The following FKBP5 variants were observed in gnomAD, a reference collection of about 807,000 sequenced individuals.
The protein encoded by FKBP5 is peptidyl-prolyl cis-trans isomerase FKBP5.
Under a neutral mutation model 50.5 loss-of-function variants are expected in FKBP5, and 23 were observed. The ratio of observed to expected loss-of-function variants is 0.46; its 90% CI spans 0.33 to 0.65. FKBP5 has a LOEUF of 0.65. Among genes scored for constraint, FKBP5 ranks in the 30% least tolerant of loss-of-function variants. The pLI, the probability that FKBP5 is intolerant of heterozygous loss-of-function variation, is 0.02. For synonymous variants in FKBP5, 176 were observed against 190.6 expected (o/e 0.92, Z 0.63); for missense variants, 411 against 553.1 (o/e 0.74, Z 2.58).
intron 8 of FKBP5, chr6:35,581,725 G>C (rs1762438780): frequency 5.1e-6 from 5 of 985,456 alleles, no homozygotes; most frequent in Non-Finnish European, 6.0e-6. Flanking sequence ...TACAAGTGGG[G>C]ATTCTCCTTT....
intron 1 of FKBP5, chr6:35,651,954 A>G: frequency 1.3e-6 from 1 of 765,822 alleles, no homozygotes; most frequent in Non-Finnish European, 1.7e-6. Flanking sequence ...GCAGGAAGTC[A>G]GGGACCCCAA....
intron 2 of FKBP5, among the ~76,000 whole-genome samples, chr6:35,718,255 A>G (rs1321285881): frequency 6.6e-6 from 1 of 152,238 alleles, no homozygotes; most frequent in Non-Finnish European, 1.5e-5. Flanking sequence ...GGGAAAATGC[A>G]GGGTGTGCTC....
chr6:35,627,134 A>C (rs774722853), intron 3 of FKBP5, among the ~76,000 whole-genome samples: 4 of 152,144 alleles, frequency 2.6e-5, no homozygotes, highest in Non-Finnish European at 5.9e-5. Flanking sequence ...CATCCTCATC[A>C]ACACTTGTTG....
chr6:35,645,456 AAGAG>A (rs1227488957), intron 1 of FKBP5, among the ~76,000 whole-genome samples: 1 of 152,108 alleles, frequency 6.6e-6, no homozygotes, highest in Non-Finnish European at 1.5e-5. Context: ...AAGAGAGAGA[AAGAG>A]AGAGAGGGAG....
chr6:35,691,673 C>G (rs749761343), upstream of FKBP5, among the ~76,000 whole-genome samples: 1 of 152,190 alleles, frequency 6.6e-6, no homozygotes, highest in African/African-American at 2.4e-5. Flanking sequence ...GAAAACCACT[C>G]TGATCACTGC....
At chr6:35,703,405 T>A (rs962085240) in intron 2 of FKBP5, among the ~76,000 whole-genome samples, 2 of 151,860 alleles carry the variant, frequency 1.3e-5, no homozygotes, top group African/African-American at 4.8e-5. Context: ...CATGACTCCA[T>A]CTCAAAAAAA....
chr6:35,654,479 T>C (rs2150996180), intron 1 of FKBP5, among the ~76,000 whole-genome samples: 1 of 152,332 alleles, frequency 6.6e-6, no homozygotes, highest in Non-Finnish European at 1.5e-5. Flanking sequence ...GTGTCTGAAG[T>C]TAGTGTACTA....
chr6:35,579,608 T>C (rs1762357613), intron 9 of FKBP5, among the ~76,000 whole-genome samples: 1 of 152,164 alleles, frequency 6.6e-6, no homozygotes, highest in Non-Finnish European at 1.5e-5. Flanking sequence ...TATCAGTGAA[T>C]AAATGATTAT....
At chr6:35,655,100 T>A (rs781074903) in intron 1 of FKBP5, among the ~76,000 whole-genome samples, 1 of 152,088 alleles carries the variant, frequency 6.6e-6, no homozygotes, top group African/African-American at 2.4e-5. Context: ...CGTGGGCAGA[T>A]CAGTTGAGGC....
chr6:35,610,398 C>G, intron 5 of FKBP5, among the ~76,000 whole-genome samples: 1 of 151,556 alleles, frequency 6.6e-6, no homozygotes, highest in South Asian at 2.1e-4. Flanking sequence ...AACCCCGTCT[C>G]TACTAAAAAT....
chr6:35,591,860 C>T (rs1301188188), intron 6 of FKBP5, among the ~76,000 whole-genome samples: 3 of 152,180 alleles, frequency 2.0e-5, no homozygotes, highest in African/African-American at 4.8e-5. Flanking sequence ...CTGACACCTC[C>T]TCTAGAGAAA....
chr6:35,696,144 C>CAAA (rs60390656), intron 2 of FKBP5, among the ~76,000 whole-genome samples: 5 of 64,450 alleles, frequency 7.8e-5, no homozygotes, highest in Non-Finnish European at 1.4e-4. Context: ...GACTCTGTCT[C>CAAA]AAAAAAAAAA....
intron 2 of FKBP5, among the ~76,000 whole-genome samples, chr6:35,703,400 C>T (rs1016426989): frequency 1.3e-5 from 2 of 152,020 alleles, no homozygotes; most frequent in Non-Finnish European, 2.9e-5. Context: ...CAGAACATGA[C>T]TCCATCTCAA....
intron 9 of FKBP5, among the ~76,000 whole-genome samples, chr6:35,578,652 A>G (rs1762307096): frequency 6.6e-6 from 1 of 151,508 alleles, no homozygotes; most frequent in African/African-American, 2.4e-5. Context: ...CCTGTGGTCT[A>G]AGCTACTTGG....
intron 2 of FKBP5, among the ~76,000 whole-genome samples, chr6:35,719,229 C>A (rs1240181932): frequency 1.3e-5 from 2 of 152,204 alleles, no homozygotes; most frequent in African/African-American, 4.8e-5. Context: ...TCATTTCCCT[C>A]TTCTATGACA....
intron 1 of FKBP5, among the ~76,000 whole-genome samples, chr6:35,644,467 C>T (rs1764575913): frequency 6.6e-6 from 1 of 152,196 alleles, no homozygotes; most frequent in Admixed American, 6.5e-5. Flanking sequence ...TTCCAAATGA[C>T]CACTATTCAG....
chr6:35,615,193 G>A (rs1385433483), intron 5 of FKBP5, among the ~76,000 whole-genome samples: 1 of 143,414 alleles, frequency 7.0e-6, no homozygotes, highest in Non-Finnish European at 1.6e-5. Context: ...CACAGAGGCT[G>A]ATGTAGAAAT....
At chr6:35,597,535 A>T in intron 5 of FKBP5, 131 bp from the exon 6 acceptor site, 36 of 1,043,156 alleles carry the variant, frequency 3.5e-5, no homozygotes, top group Non-Finnish European at 4.3e-5. Flanking sequence ...AGAGACACAC[A>T]CAGTGTGTCT....
chr6:35,598,572 T>G (rs1436073481), intron 5 of FKBP5, among the ~76,000 whole-genome samples: 1 of 152,158 alleles, frequency 6.6e-6, no homozygotes, highest in Non-Finnish European at 1.5e-5. Flanking sequence ...TTACAACTAC[T>G]TTTAATATTA....
Sources: gnomAD v4.1 joint callset for allele counts (sites outside exome capture counted in the v4.1 genomes callset) on GRCh38, gnomAD v4.1.1 for gene constraint, MANE v1.5 for transcripts, NCBI Gene and HGNC (gene_info 2026-07-23, HGNC 2026-07-21) for gene names.